DDC: variants seen among roughly 807,000 people sequenced by gnomAD.
The protein encoded by DDC is aromatic-L-amino-acid decarboxylase.
In DDC, 43 loss-of-function variants were observed where a neutral mutation model predicts 60.0. That is an observed-to-expected ratio of 0.72 (90% confidence interval 0.56 to 0.92). The LOEUF (loss-of-function observed/expected upper bound fraction) is 0.92. Ranked by LOEUF, DDC falls within the 40% of genes least tolerant of loss-of-function variation. The pLI, the probability that DDC is intolerant of heterozygous loss-of-function variation, is 0.00. For synonymous variants in DDC, 232 were observed against 234.6 expected, an observed-to-expected ratio of 0.99 and a Z score of 0.10; for missense variants, 573 against 620.2, an observed-to-expected ratio of 0.92 and a Z score of 0.81.
chr7:50,537,049 T>TTTTC (rs1446485002), intron 4 of DDC, among the ~76,000 whole-genome samples: 2 of 151,958 alleles, frequency 1.3e-5, no homozygotes, highest in Admixed American at 6.5e-5. Flanking sequence ...TTTTTTTTTT[T>TTTTC]TTTTTTAATG....
chr7:50,530,047 C>T (rs1054931925), intron 4 of DDC, among the ~76,000 whole-genome samples: 30 of 151,934 alleles, frequency 2.0e-4, no homozygotes, highest in Non-Finnish European at 1.0e-4. Context: ...ACTTGAGCCC[C>T]GGAGTTCGAG....
intron 3 of DDC, 94 bp downstream of exon 3, chr7:50,539,821 A>G (rs1332486377): frequency 1.1e-6 from 1 of 907,744 alleles, no homozygotes; most frequent in Non-Finnish European, 1.8e-6. Flanking sequence ...CAGCACCGCC[A>G]TCTGCTCAGG....
chr7:50,491,986 C>T (rs888246565), intron 9 of DDC, among the ~76,000 whole-genome samples: 4 of 152,202 alleles, frequency 2.6e-5, no homozygotes, highest in African/African-American at 9.7e-5. Flanking sequence ...GTCTCAGATA[C>T]TTTTTGGTTA....
chr7:50,553,315 T>TA lies in DDC; in HGVS notation c.-28-9203dup, dbSNP rs2045071122. 3.3e-5 allele frequency among the ~76,000 whole-genome samples: 5 copies of TA among 152,102 alleles called. No individual in the cohort carries two copies. The South Asian group carries it at 1.0e-3, about 32-fold the overall frequency. ...GTTGACATTTTTTACACTATTCCAGTAAAAAGGAGCCATAGTTTATGTCTC... is the reference window on the plus strand; with the variant it reads ...GTTGACATTTTTTACACTATTCCAGTAAAAAAGGAGCCATAGTTTATGTCTC... On this transcript the variant is annotated intron_variant, in intron 1 of 14. Transcript: ENST00000444124.
chr7:50,499,848 C>T (rs569906092), intron 7 of DDC, among the ~76,000 whole-genome samples: 1 of 152,322 alleles, frequency 6.6e-6, no homozygotes, highest in African/African-American at 2.4e-5. Context: ...ACAGATGTAG[C>T]ATGCTCCCTC....
At chr7:50,555,724 A>C (rs1057327064) in intron 1 of DDC, among the ~76,000 whole-genome samples, 1 of 152,196 alleles carries the variant, frequency 6.6e-6, no homozygotes, top group Non-Finnish European at 1.5e-5. Context: ...TAATCTTCAT[A>C]AGAACCTTGT....
rs2043965878 is a variant in DDC at position 50,523,846 on chromosome 7, TG to T, written c.714+4290del. On this transcript the variant is annotated intron_variant, in intron 6 of 14. Transcript: ENST00000444124. ...TTTACCCAAATGAGTTGAAAACTTA[TG>T]TACACACAAAAACCTGCACACAAAT... Among the ~76,000 whole-genome samples, 4 of 152,232 alleles carry T rather than the reference TG, an allele frequency of 2.6e-5. No homozygotes were observed. The South Asian group carries it at 8.3e-4, about 32-fold the overall frequency.
At chr7:50,507,485 G>C (rs569031932) in intron 6 of DDC, among the ~76,000 whole-genome samples, 9 of 152,142 alleles carry the variant, frequency 5.9e-5, no homozygotes, top group Non-Finnish European at 1.2e-4. Context: ...ACCCACCTCG[G>C]TCTCCCAAAG....
intron 6 of DDC, among the ~76,000 whole-genome samples, chr7:50,507,130 A>G (rs151002684): frequency 0.014 from 2,154 of 152,258 alleles, 56 homozygotes; most frequent in Non-Finnish European, 0.015. Context: ...ATTGCTTGAA[A>G]CTTATTTTCT....
At chr7:50,539,839 T>A in intron 3 of DDC, 76 bp downstream of exon 3, 2 of 1,090,468 alleles carry the variant, frequency 1.8e-6, no homozygotes, top group Non-Finnish European at 2.8e-6. Flanking sequence ...AGGTCCCTTG[T>A]GCATAGGTAC....
At chr7:50,523,503 G>T (rs2043954660) in intron 6 of DDC, among the ~76,000 whole-genome samples, 1 of 152,154 alleles carries the variant, frequency 6.6e-6, no homozygotes, top group South Asian at 2.1e-4. Context: ...TAAAAAGTGG[G>T]CAAAAGACCT....
At chr7:50,536,022 A>C (rs777046762) in intron 4 of DDC, among the ~76,000 whole-genome samples, 8 of 152,202 alleles carry the variant, frequency 5.3e-5, no homozygotes, top group Non-Finnish European at 7.3e-5. Flanking sequence ...TCAAGCTGGG[A>C]ACTGCTTAGG....
chr7:50,501,200 G>C lies in DDC; in HGVS notation c.782-1958C>G, dbSNP rs58001711. On this transcript the variant is annotated intron_variant, in intron 7 of 14. Coordinates refer to ENST00000444124, the MANE Select transcript of DDC (RefSeq NM_001082971.2). ...CTTCTGAGACTTCCCAGGAACTTGC[G>C]GCAGGCCTGGCTGCCCCTCCAGCTG... Among the ~76,000 whole-genome samples, 323 of 152,274 alleles carry C rather than the reference G, an allele frequency of 2.1e-3. 1 individual carries two copies. Among genetic ancestry groups the C allele is most frequent in the African/African-American group, 7.4e-3 (307 of 41,528 alleles).
At chr7:50,558,277 G>A (rs574402255) in intron 1 of DDC, among the ~76,000 whole-genome samples, 3 of 152,212 alleles carry the variant, frequency 2.0e-5, no homozygotes, top group East Asian at 3.9e-4. Context: ...CTGGTTTACC[G>A]TCTATTACAA....
At chr7:50,556,162 A>C (rs1253694370) in intron 1 of DDC, among the ~76,000 whole-genome samples, 1 of 152,218 alleles carries the variant, frequency 6.6e-6, no homozygotes, top group African/African-American at 2.4e-5. Flanking sequence ...GACCGTGGCC[A>C]AGCCCCCTAT....
At chr7:50,549,712 A>G (rs1585279874) in intron 1 of DDC, among the ~76,000 whole-genome samples, 1 of 152,102 alleles carries the variant, frequency 6.6e-6, no homozygotes, top group African/African-American at 2.4e-5. Flanking sequence ...CAATATCAAC[A>G]TTAACAGGAG....
intron 14 of DDC, among the ~76,000 whole-genome samples, chr7:50,459,963 C>T (rs2042225238): frequency 1.4e-5 from 2 of 143,794 alleles, no homozygotes; most frequent in East Asian, 4.2e-4. Flanking sequence ...CCAGCCGCCC[C>T]ATCTGGGAGG....
chr7:50,559,166 G>A (rs939627340), intron 1 of DDC, among the ~76,000 whole-genome samples: 1 of 152,154 alleles, frequency 6.6e-6, no homozygotes, highest in African/African-American at 2.4e-5. Context: ...ACAGCAATGC[G>A]AAGAGGCTGA....
intron 6 of DDC, among the ~76,000 whole-genome samples, chr7:50,521,916 T>G (rs969493461): frequency 1.3e-5 from 2 of 152,122 alleles, no homozygotes; most frequent in African/African-American, 4.8e-5. Flanking sequence ...AACATTGTAC[T>G]GAGAGTTTCA....
Sources: allele counts gnomAD v4.1 joint callset (sites outside exome capture counted in the v4.1 genomes callset), GRCh38; gene constraint gnomAD v4.1.1; transcripts MANE v1.5; gene names NCBI Gene and HGNC (gene_info 2026-07-23, HGNC 2026-07-21).